Variants in CAPN5 observed in about 807,000 individuals in gnomAD.
CAPN5 encodes the protein calpain-5.
Under a neutral mutation model 73.0 loss-of-function variants are expected in CAPN5, and 54 were observed. The observed-to-expected ratio is 0.74, with a 90% CI of 0.59 to 0.93. CAPN5 has a LOEUF of 0.93. Ranked by LOEUF, CAPN5 falls within the 40% of genes least tolerant of loss-of-function variation. The probability of loss-of-function intolerance (pLI) is 0.00; values close to 1 mark genes in which losing one functional copy is unlikely to be tolerated. For synonymous variants in CAPN5, 335 were observed against 356.9 expected (o/e 0.94, Z 0.69); for missense variants, 785 against 882.9 (o/e 0.89, Z 1.41).
intron 2 of CAPN5, among the ~76,000 whole-genome samples, chr11:77,086,400 C>T (rs1156338374): frequency 6.6e-5 from 10 of 152,138 alleles, no homozygotes; most frequent in Non-Finnish European, 2.9e-5. Flanking sequence ...CACCCATGAG[C>T]TGCTAGCAGG....
intron 8 of CAPN5, among the ~76,000 whole-genome samples, chr11:77,118,621 G>A (rs1264811022): frequency 1.3e-5 from 2 of 152,222 alleles, no homozygotes; most frequent in African/African-American, 4.8e-5. Flanking sequence ...GAGCTACAGG[G>A]ACACTTAGAG....
chr11:77,075,214 T>G (rs983435114), intron 1 of CAPN5, among the ~76,000 whole-genome samples: 2 of 152,054 alleles, frequency 1.3e-5, no homozygotes, highest in Non-Finnish European at 2.9e-5. Context: ...CCCCTCCCCT[T>G]TTTTTCTGAG....
rs573277468 is a variant in CAPN5 at position 77,096,714 on chromosome 11, C to T, written c.297+2901C>T. Among the ~76,000 whole-genome samples the T allele has an allele frequency of 1.1e-4, 16 of 152,374 alleles. No homozygotes were observed. The South Asian group carries it at 3.3e-3, about 32-fold the overall frequency. Reference sequence around the variant, plus strand: ...AAGCCAAGATCTGCTGTGAGCTCACCTCTCTGGAGCCTGGAGCAGCCACAG... The same window carrying T: ...AAGCCAAGATCTGCTGTGAGCTCACTTCTCTGGAGCCTGGAGCAGCCACAG... On this transcript the variant is annotated intron_variant, in intron 3 of 12. Transcript: ENST00000648180.
At chr11:77,103,426 C>A in intron 3 of CAPN5, 1 of 1,432,910 alleles carries the variant, frequency 7.0e-7, no homozygotes, top group Non-Finnish European at 9.4e-7. Flanking sequence ...ATTATTCTCG[C>A]TGCTCAGCCT....
intron 1 of CAPN5, among the ~76,000 whole-genome samples, chr11:77,081,246 G>T (rs1950025182): frequency 6.6e-6 from 1 of 152,220 alleles, no homozygotes; most frequent in Non-Finnish European, 1.5e-5. Context: ...TGGTAATAAA[G>T]ATGTCTTTCA....
At chr11:77,110,557 G>A (rs55673529) in intron 3 of CAPN5, among the ~76,000 whole-genome samples, 26,780 of 152,142 alleles carry the variant, frequency 0.18, 3,287 homozygotes, top group African/African-American at 0.33. Context: ...TGCCTCCCTC[G>A]CTTGAGCCTG....
intron 10 of CAPN5, among the ~76,000 whole-genome samples, chr11:77,121,625 C>T (rs1950521072): frequency 6.6e-6 from 1 of 152,244 alleles, no homozygotes; most frequent in African/African-American, 2.4e-5. Context: ...ACCATAATAG[C>T]CTTTGCGGGG....
chr11:77,075,795 T>A (rs1431551623), intron 1 of CAPN5, among the ~76,000 whole-genome samples: 2 of 151,986 alleles, frequency 1.3e-5, no homozygotes, highest in African/African-American at 2.4e-5. Context: ...ACCACCCAGG[T>A]CAAGAAGTAG....
At chr11:77,067,948 C>T (rs1308096283) in intron 1 of CAPN5, among the ~76,000 whole-genome samples, 3 of 151,986 alleles carry the variant, frequency 2.0e-5, no homozygotes, top group Non-Finnish European at 2.9e-5. Flanking sequence ...AATTTGAACC[C>T]GGGTCCGCCT....
At chr11:77,085,876 C>T (rs1447500340) in intron 2 of CAPN5, among the ~76,000 whole-genome samples, 1 of 152,154 alleles carries the variant, frequency 6.6e-6, no homozygotes, top group Non-Finnish European at 1.5e-5. Context: ...GTGCTAGTGA[C>T]ACTGAGGGTC....
chr11:77,088,518 G>A (rs1394018357), intron 2 of CAPN5, among the ~76,000 whole-genome samples: 2 of 152,126 alleles, frequency 1.3e-5, no homozygotes, highest in African/African-American at 4.8e-5. Context: ...GAAGGAGGTA[G>A]GGCTGGGGGA....
At chr11:77,069,825 C>G (rs1555032753) in intron 1 of CAPN5, among the ~76,000 whole-genome samples, 1 of 152,188 alleles carries the variant, frequency 6.6e-6, no homozygotes, top group African/African-American at 2.4e-5. Flanking sequence ...GGTCCCCGCT[C>G]AAAACTTTCC....
intron 3 of CAPN5, among the ~76,000 whole-genome samples, chr11:77,098,461 C>T (rs1459223387): frequency 1.9e-5 from 2 of 103,996 alleles, no homozygotes; most frequent in Admixed American, 8.7e-5. Flanking sequence ...CGGGCAGAGG[C>T]GCCCCTCACC....
At chr11:77,093,625 T>TG (rs1950176573) in intron 2 of CAPN5, 57 bp from the exon 3 acceptor site, 4 of 1,518,930 alleles carry the variant, frequency 2.6e-6, no homozygotes, top group Non-Finnish European at 2.7e-6. Flanking sequence ...TCTCCTGCCA[T>TG]GGGGGGCATC....
chr11:77,115,966 C>G (rs1056576553), intron 6 of CAPN5, among the ~76,000 whole-genome samples: 3 of 152,150 alleles, frequency 2.0e-5, no homozygotes, highest in Admixed American at 2.0e-4. Flanking sequence ...GGGGTCGCAC[C>G]CCCCTTCCCC....
intron 1 of CAPN5, chr11:77,073,218 C>A: frequency 1.3e-6 from 1 of 799,348 alleles, no homozygotes; most frequent in Non-Finnish European, 1.8e-6. Context: ...CTGTGGTGAG[C>A]TGCTCACCCG....
chr11:77,078,605 C>T (rs1189898481), intron 1 of CAPN5, among the ~76,000 whole-genome samples: 13 of 152,146 alleles, frequency 8.5e-5, no homozygotes, highest in East Asian at 3.9e-4. Flanking sequence ...TGAAAAATGT[C>T]ATTGGAATTT....
intron 3 of CAPN5, among the ~76,000 whole-genome samples, chr11:77,094,431 G>A (rs1950187386): frequency 6.6e-6 from 1 of 152,264 alleles, no homozygotes. Flanking sequence ...GGAAAGAATA[G>A]GCTCTGGTCC....
intron 8 of CAPN5, 46 bp downstream of exon 8, chr11:77,118,398 G>A (rs1263374844): frequency 4.0e-6 from 6 of 1,490,580 alleles, no homozygotes; most frequent in East Asian, 2.5e-5. Flanking sequence ...GCAGCTGCGG[G>A]GTGCCTTGCC....
Sources: allele counts gnomAD v4.1 joint callset (sites outside exome capture counted in the v4.1 genomes callset), GRCh38; gene constraint gnomAD v4.1.1; transcripts MANE v1.5; gene names NCBI Gene and HGNC (gene_info 2026-07-23, HGNC 2026-07-21).